GRM8: variants seen among roughly 807,000 people sequenced by gnomAD.
GRM8 encodes the protein glutamate metabotropic receptor 8.
GRM8 carries 47 observed loss-of-function variants against 87.2 expected under a neutral mutation model. That is an observed-to-expected ratio of 0.54 (90% CI 0.43 to 0.69). The LOEUF (loss-of-function observed/expected upper bound fraction) is 0.69, where lower values mean the gene tolerates loss of function less well. GRM8 is among the 30% of genes least tolerant of loss of function. GRM8 has a pLI of 0.00. For missense variants in GRM8, 1,019 were observed against 1,139.2 expected, an observed-to-expected ratio of 0.89 and a Z score of 1.52; for synonymous variants, 396 against 404.5, an observed-to-expected ratio of 0.98 and a Z score of 0.25.
chr7:126,796,685 G>A (rs1821985068), intron 6 of GRM8, among the ~76,000 whole-genome samples: 2 of 151,972 alleles, frequency 1.3e-5, no homozygotes, highest in Non-Finnish European at 2.9e-5. Context: ...TTTGGTCTAG[G>A]AGAACACTAG....
At chr7:127,127,599 G>A (rs1424284046) in intron 2 of GRM8, among the ~76,000 whole-genome samples, 1 of 151,974 alleles carries the variant, frequency 6.6e-6, no homozygotes, top group Non-Finnish European at 1.5e-5. Context: ...CCTACAGTGA[G>A]AAAATAGATC....
intron 7 of GRM8, 127 bp downstream of exon 7, chr7:126,769,738 C>T: frequency 1.6e-6 from 1 of 629,748 alleles, no homozygotes; most frequent in East Asian, 2.7e-5. Flanking sequence ...ACTCACACTT[C>T]TAATCAAAGA....
chr7:127,129,233 C>T (rs1201078659), intron 2 of GRM8, among the ~76,000 whole-genome samples: 2 of 152,086 alleles, frequency 1.3e-5, no homozygotes, highest in East Asian at 1.9e-4. Context: ...AATTATTAGC[C>T]TTTCAGTTGA....
chr7:127,071,594 G>A (rs1340174850), intron 3 of GRM8, among the ~76,000 whole-genome samples: 1 of 152,166 alleles, frequency 6.6e-6, no homozygotes, highest in Admixed American at 6.5e-5. Context: ...TGGATCAAAA[G>A]CTAGGTGGAA....
chr7:127,072,751 AAC>A (rs1001199965), intron 3 of GRM8, among the ~76,000 whole-genome samples: 2 of 152,084 alleles, frequency 1.3e-5, no homozygotes, highest in African/African-American at 2.4e-5. Context: ...GAAACAGAGA[AAC>A]ACAAAGGATG....
intron 6 of GRM8, among the ~76,000 whole-genome samples, chr7:126,826,291 G>A (rs1485995690): frequency 4.6e-5 from 7 of 152,076 alleles, no homozygotes; most frequent in Non-Finnish European, 7.4e-5. Context: ...CTGAGGAATC[G>A]CCACACTGAC....
chr7:127,216,535 C>G (rs9691244), intron 2 of GRM8, among the ~76,000 whole-genome samples: 2 of 115,958 alleles, frequency 1.7e-5, no homozygotes, highest in Non-Finnish European at 3.5e-5. Flanking sequence ...AAAAAAAAAA[C>G]AAAAAAAAAA....
At chr7:126,927,840 C>T (rs1370200856) in intron 3 of GRM8, among the ~76,000 whole-genome samples, 1 of 152,058 alleles carries the variant, frequency 6.6e-6, no homozygotes, top group Non-Finnish European at 1.5e-5. Context: ...CTAGAAATAC[C>T]ATTTGACCCA....
intron 6 of GRM8, among the ~76,000 whole-genome samples, chr7:126,775,702 C>T (rs1020793193): frequency 2.6e-5 from 4 of 151,970 alleles, no homozygotes; most frequent in Non-Finnish European, 5.9e-5. Flanking sequence ...CTGATAGAAG[C>T]AGCTGGCTAG....
chr7:126,609,315 C>T, intron 8 of GRM8, 47 bp downstream of exon 8: 1 of 1,487,356 alleles, frequency 6.7e-7, no homozygotes, highest in Middle Eastern at 1.7e-4. Context: ...TAAAGCATCC[C>T]TCCTGGAGAG....
intron 6 of GRM8, among the ~76,000 whole-genome samples, chr7:126,770,645 T>C (rs1754393556): frequency 6.6e-6 from 1 of 152,128 alleles, no homozygotes; most frequent in Admixed American, 6.6e-5. Context: ...TAAAAAGATG[T>C]AGATACCTCA....
At chr7:126,754,422 A>G (rs1816776100) in intron 7 of GRM8, among the ~76,000 whole-genome samples, 1 of 151,882 alleles carries the variant, frequency 6.6e-6, no homozygotes, top group African/African-American at 2.4e-5. Flanking sequence ...AAGATTAAAA[A>G]CAATAATAAC....
intron 9 of GRM8, among the ~76,000 whole-genome samples, chr7:126,506,715 G>A (rs1810525361): frequency 6.6e-6 from 1 of 151,740 alleles, no homozygotes; most frequent in Non-Finnish European, 1.5e-5. Context: ...GGAAACAAAG[G>A]TTGCCGAGAG....
At position 127,134,308 on chromosome 7, in the gene GRM8, A is replaced by C. The variant is rs1176801187; in HGVS notation, c.511-27596T>G. On this transcript the variant is annotated intron_variant, in intron 2 of 10. Coordinates refer to ENST00000339582, the MANE Select transcript of GRM8 (RefSeq NM_000845.3). The stretch of plus-strand genomic sequence containing the variant: ...AAAAATGGCAAAAATTACTAAAGAA[A>C]AGGTGAGAAAATATCTACTATGCTG... 2.0e-5 allele frequency among the ~76,000 whole-genome samples: 3 copies of C among 152,236 alleles called. No individual in the cohort carries two copies. In the East Asian group the frequency reaches 5.8e-4, roughly 29 times the overall value.
chr7:126,788,420 A>AAAAAACAAAAAACAAAAAACAAAAAAC lies in GRM8; in HGVS notation c.1157-18356_1157-18355insGTTTTTTGTTTTTTGTTTTTTGTTTTT. On this transcript the variant is annotated intron_variant, in intron 6 of 10. Transcript: ENST00000339582. ...GCAAGACTCCATCTCAAAAAAAAAA[A>AAAAAACAAAAAACAAAAAACAAAAAAC]AAACCCTTTCAGATATCTTTAACAT... is the stretch of plus-strand genomic sequence containing the variant. Among the ~76,000 whole-genome samples the AAAAAACAAAAAACAAAAAACAAAAAAC allele has an allele frequency of 5.3e-3, 431 of 81,128 alleles. 32 individuals are homozygous for AAAAAACAAAAAACAAAAAACAAAAAAC. The highest frequency in any genetic ancestry group is 6.8e-3 in the Non-Finnish European group (293 of 42,984). 53.2% of individuals were successfully genotyped at this position (81,128 alleles called of 152,430 possible). A position where few individuals can be genotyped will look rare whatever the true frequency, so the allele number is the denominator to read the frequency against.
chr7:126,566,017 C>T (rs1239062687), intron 8 of GRM8, among the ~76,000 whole-genome samples: 1 of 151,990 alleles, frequency 6.6e-6, no homozygotes, highest in Non-Finnish European at 1.5e-5. Flanking sequence ...TTTATTATTG[C>T]CATATGCAAA....
intron 2 of GRM8, among the ~76,000 whole-genome samples, chr7:127,181,157 A>C (rs994001304): frequency 2.0e-5 from 3 of 152,154 alleles, no homozygotes; most frequent in South Asian, 2.1e-4. Flanking sequence ...TTCCACATAC[A>C]AGATTAATGT....
chr7:126,474,052 A>G (rs1431874434), intron 9 of GRM8, among the ~76,000 whole-genome samples: 1 of 152,078 alleles, frequency 6.6e-6, no homozygotes, highest in African/African-American at 2.4e-5. Flanking sequence ...TCATTTTTAT[A>G]TTCGTTTTAT....
intron 7 of GRM8, among the ~76,000 whole-genome samples, chr7:126,727,739 A>ACACACACACACACC (rs1410017859): frequency 6.9e-6 from 1 of 145,498 alleles, no homozygotes; most frequent in African/African-American, 2.5e-5. Flanking sequence ...ACACACACAC[A>ACACACACACACACC]CCCCTAAAAA....
Sources: gnomAD v4.1 joint callset for allele counts (sites outside exome capture counted in the v4.1 genomes callset) on GRCh38, gnomAD v4.1.1 for gene constraint, MANE v1.5 for transcripts, NCBI Gene and HGNC (gene_info 2026-07-23, HGNC 2026-07-21) for gene names.